The following GNAT2 variants were observed in gnomAD, a reference collection of about 807,000 sequenced individuals.
GNAT2 encodes the protein G protein subunit alpha transducin 2.
A neutral mutation model predicts 40.9 loss-of-function variants in GNAT2; 32 were observed. That is an observed-to-expected ratio of 0.78 (90% CI 0.59 to 1.05). The LOEUF (loss-of-function observed/expected upper bound fraction) is 1.05, where lower values mean the gene tolerates loss of function less well. Ranked by LOEUF, GNAT2 falls within the 50% of genes least tolerant of loss-of-function variation. The pLI is 0.00. For missense variants in GNAT2, 355 were observed against 431.5 expected, an observed-to-expected ratio of 0.82 and a Z score of 1.57; for synonymous variants, 141 against 157.2, an observed-to-expected ratio of 0.90 and a Z score of 0.77.
intron 1 of GNAT2, chr1:109,614,316 CTG>C (rs1386888771): frequency 6.6e-6 from 1 of 152,220 alleles, no homozygotes; most frequent in East Asian, 1.9e-4. Flanking sequence ...TTGCTGGTGT[CTG>C]TGTTTCCTCA....
chr1:109,615,879 A>G (rs1343589465), intron 1 of GNAT2: 2 of 152,336 alleles, frequency 1.3e-5, no homozygotes, highest in Non-Finnish European at 2.9e-5. Flanking sequence ...GAGAGAAAGC[A>G]TGGACAAATG....
chr1:109,609,993 C>G lies in GNAT2; in HGVS notation c.303+47G>C, dbSNP rs367582783. The G allele has an allele frequency of 6.3e-6, 10 of 1,595,500 alleles. No homozygotes were observed. The African/African-American group carries it at 1.3e-4, about 21-fold the overall frequency. ...TTGGCCTCTGGTATGTTTCTTCTTG[C>G]TAGCCTTTCTGCTTCCACCCTTAAC... is the stretch of plus-strand genomic sequence containing the variant. On this transcript the variant is annotated intron_variant, in intron 4 of 8. Coordinates refer to ENST00000679935, the MANE Select transcript of GNAT2 (RefSeq NM_001377295.2).
chr1:109,603,510 T>G lies in GNAT2; in HGVS notation c.909A>C (p.Ile303=), dbSNP rs1309275044. Residue 303 remains isoleucine, a synonymous_variant, in exon 9 of 9, where the codon ATA becomes ATC. Coordinates refer to ENST00000679935, the MANE Select transcript of GNAT2 (RefSeq NM_001377295.2). ...TATTGAGGTCAAGGAACTGGCTCTT[T>G]ATGTAATTCCCCGCATCATCATAGG... is the stretch of plus-strand genomic sequence containing the variant. The part of the protein sequence containing the change: ...NNSYDDAGNY[I]KSQFLDLNMR... 1 of 1,611,604 alleles carries G rather than the reference T, an allele frequency of 6.2e-7. No homozygotes were observed. Among genetic ancestry groups the G allele is most frequent in the Non-Finnish European group, 8.5e-7 (1 of 1,177,794 alleles).
intron 1 of GNAT2, among the ~76,000 whole-genome samples, 184 bp downstream of exon 1, chr1:109,619,299 C>G (rs139606823): frequency 2.4e-3 from 371 of 152,346 alleles, no homozygotes; most frequent in Non-Finnish European, 4.1e-3. Flanking sequence ...AAAGCAGGTA[C>G]TCTTACACTC....
chr1:109,609,897 A>G (rs1157405183), intron 4 of GNAT2, 143 bp downstream of exon 4: 1 of 811,606 alleles, frequency 1.2e-6, no homozygotes, highest in East Asian at 2.4e-5. Flanking sequence ...CAGTACACCT[A>G]GCAGTGAGAT....
chr1:109,607,668 A>G (rs1022974849), intron 5 of GNAT2: 4 of 152,266 alleles, frequency 2.6e-5, no homozygotes, highest in Admixed American at 2.0e-4. Flanking sequence ...ATTGTGGTGT[A>G]TTATGAAAAA....
chr1:109,609,623 C>A (rs1570564752), intron 4 of GNAT2: 1 of 318,696 alleles, frequency 3.1e-6, no homozygotes, highest in South Asian at 2.7e-5. Flanking sequence ...GAGAGGAAGA[C>A]CCTGTCCCAG....
intron 7 of GNAT2, 103 bp from the exon 8 acceptor site, chr1:109,604,207 A>G: frequency 1.1e-6 from 1 of 891,350 alleles, no homozygotes; most frequent in East Asian, 2.5e-5. Context: ...TCCAAATGTA[A>G]AAAGCAAGAC....
chr1:109,608,252 G>A (rs1262809835), intron 5 of GNAT2: 1 of 330,076 alleles, frequency 3.0e-6, no homozygotes, highest in Non-Finnish European at 5.9e-6. Context: ...CATTACTCCT[G>A]CGAGAGTGTA....
At chr1:109,605,919 TC>T in intron 7 of GNAT2, 50 bp downstream of exon 7, 1 of 1,563,020 alleles carries the variant, frequency 6.4e-7, no homozygotes. Flanking sequence ...AGAGAAAGGG[TC>T]ATGGGGAGAA....
At position 109,603,366 on chromosome 1, in the gene GNAT2, G is replaced by A. The variant is rs765538494; in HGVS notation, c.1053C>T (p.Cys351=). Residue 351 remains cysteine (C), a synonymous_variant, in exon 9 of 9, where the codon TGC becomes TGT. Transcript: ENST00000679935. Reference sequence around the variant, plus strand: ...GGAATGGTGAGGATTAGAAGAGGCCGCAGTCCTTGAGGTTTTCTTTGATGA... The same window carrying A: ...GGAATGGTGAGGATTAGAAGAGGCCACAGTCCTTGAGGTTTTCTTTGATGA... The part of the protein sequence containing the change: ...DIIIKENLKD[C]GLF 31 of 1,583,668 alleles carry A rather than the reference G, an allele frequency of 2.0e-5. No individual in the cohort carries two copies. In the East Asian group the frequency reaches 2.5e-4, roughly 13 times the overall value.
intron 8 of GNAT2, 166 bp from the exon 9 acceptor site, chr1:109,603,710 T>C (rs1348063561): frequency 5.9e-6 from 4 of 678,728 alleles, no homozygotes; most frequent in Non-Finnish European, 1.0e-5. Context: ...TTTCTCACTT[T>C]AGTTGAAAAG....
chr1:109,609,055 T>TC (rs1226808324), intron 4 of GNAT2: 3 of 508,344 alleles, frequency 5.9e-6, no homozygotes, highest in Non-Finnish European at 1.1e-5. Context: ...GTTTCTGGCT[T>TC]CCATCCTTAG....
chr1:109,613,089 A>G, intron 1 of GNAT2, 166 bp from the exon 2 acceptor site: 1 of 578,320 alleles, frequency 1.7e-6, no homozygotes, highest in Non-Finnish European at 3.1e-6. Context: ...CCTACTTCTT[A>G]GTCTAGGGAT....
chr1:109,609,750 T>C, intron 4 of GNAT2: 1 of 427,842 alleles, frequency 2.3e-6, no homozygotes, highest in Non-Finnish European at 4.4e-6. Context: ...CTGCTATTTA[T>C]CTACATGACC....
At chr1:109,612,279 A>C in intron 2 of GNAT2, 1 of 207,450 alleles carries the variant, frequency 4.8e-6, no homozygotes, top group Non-Finnish European at 1.0e-5. Flanking sequence ...AGAAGGAACC[A>C]CTATACTTGG....
Position 109,612,658 on chromosome 1 carries a change from C to G in GNAT2, c.118+95G>C, listed in dbSNP as rs1158908136. On this transcript the variant is annotated intron_variant, in intron 2 of 8. Transcript: ENST00000679935. ...GAGGAGAGGAAAAATGACCTGCCAC[C>G]CTTCCTTCCCATGGGGTGAGGTAGA... 4.9e-6 allele frequency: 4 copies of G among 809,668 alleles called. 1 individual carries two copies. Among genetic ancestry groups the G allele is most frequent in the South Asian group, 4.0e-5 (3 of 74,670 alleles). 50.2% of individuals were successfully genotyped at this position (809,668 alleles called of 1,614,324 possible).
intron 8 of GNAT2, 184 bp downstream of exon 8, chr1:109,603,767 A>G: frequency 1.5e-6 from 1 of 667,376 alleles, no homozygotes. Flanking sequence ...AGTAGGTATC[A>G]TATGAAGTCA....
intron 1 of GNAT2, chr1:109,613,159 G>T: frequency 2.4e-6 from 1 of 408,434 alleles, no homozygotes; most frequent in Non-Finnish European, 4.6e-6. Flanking sequence ...TGTCAATATG[G>T]CAAGGGGTAA....
Sources: allele counts gnomAD v4.1 joint callset (sites outside exome capture counted in the v4.1 genomes callset), GRCh38; gene constraint gnomAD v4.1.1; transcripts MANE v1.5; gene names NCBI Gene and HGNC (gene_info 2026-07-23, HGNC 2026-07-21).